The following TEC variants were observed in gnomAD, a reference collection of about 807,000 sequenced individuals.
The protein encoded by TEC is tyrosine-protein kinase Tec.
Under a neutral mutation model 93.0 loss-of-function variants are expected in TEC, and 72 were observed. The ratio of observed to expected loss-of-function variants is 0.77; its 90% CI spans 0.64 to 0.94. TEC has a LOEUF of 0.94. TEC is among the 40% of genes least tolerant of loss of function. The probability of loss-of-function intolerance (pLI) is 0.00; values close to 1 mark genes in which losing one functional copy is unlikely to be tolerated. For missense variants in TEC, 630 were observed against 757.9 expected, an observed-to-expected ratio of 0.83 and a Z score of 1.98; for synonymous variants, 249 against 247.7, an observed-to-expected ratio of 1.01 and a Z score of -0.05.
chr4:48,138,883 A>G (rs373114993), intron 16 of TEC, 21 bp downstream of exon 16: 3 of 1,613,526 alleles, frequency 1.9e-6, no homozygotes, highest in Admixed American at 1.7e-5. Flanking sequence ...GCGGACGGAC[A>G]TGAGGAAACA....
intron 9 of TEC, among the ~76,000 whole-genome samples, chr4:48,152,440 A>G: frequency 7.2e-6 from 1 of 139,016 alleles, no homozygotes; most frequent in East Asian, 2.0e-4. Flanking sequence ...ACTATCATAA[A>G]TAAATAAATA....
intron 2 of TEC, among the ~76,000 whole-genome samples, chr4:48,210,121 A>G (rs1360466999): frequency 1.3e-5 from 2 of 152,216 alleles, no homozygotes; most frequent in Non-Finnish European, 2.9e-5. Flanking sequence ...AGGAAGGGCT[A>G]TGGAATTGAA....
At chr4:48,179,377 T>TATATATATATAA (rs1491160142) in intron 2 of TEC, among the ~76,000 whole-genome samples, 2 of 17,956 alleles carry the variant, frequency 1.1e-4, no homozygotes, top group South Asian at 8.3e-3. Context: ...TATATATATA[T>TATATATATATAA]TTTTTTTTTT....
intron 2 of TEC, among the ~76,000 whole-genome samples, chr4:48,195,788 C>T (rs941061410): frequency 1.3e-5 from 2 of 152,192 alleles, no homozygotes. Context: ...TCTTAGTTTG[C>T]TCTTGCTAAT....
chr4:48,269,122 G>C (rs1338775472), intron 1 of TEC, among the ~76,000 whole-genome samples: 2 of 152,050 alleles, frequency 1.3e-5, no homozygotes, highest in East Asian at 1.9e-4. Context: ...TGGGGGGGTG[G>C]GGAAGAGAAC....
intron 3 of TEC, among the ~76,000 whole-genome samples, chr4:48,172,591 G>A (rs1306660888): frequency 2.0e-5 from 3 of 151,890 alleles, no homozygotes; most frequent in South Asian, 2.1e-4. Context: ...TGAGAGCCAC[G>A]GTAACCAGCC....
At chr4:48,236,190 GT>G in intron 1 of TEC, among the ~76,000 whole-genome samples, 1 of 152,178 alleles carries the variant, frequency 6.6e-6, no homozygotes, top group African/African-American at 2.4e-5. Context: ...AAAATAATAG[GT>G]TTGATGTTCT....
chr4:48,183,435 A>G (rs145281768), intron 2 of TEC, among the ~76,000 whole-genome samples: 4 of 152,366 alleles, frequency 2.6e-5, no homozygotes, highest in African/African-American at 9.6e-5. Context: ...TAGCATTTCA[A>G]TCAGCTGAGT....
rs531160893 is a variant in TEC, at chr4:48,141,475, G to C, written c.1471-56C>G. The C allele has an allele frequency of 1.3e-5, 19 of 1,502,334 alleles. No individual in the cohort carries two copies. The South Asian group carries it at 2.1e-4, about 16-fold the overall frequency. The allele number at this position is 1,502,334 out of a possible 1,614,324, so 93.1% of individuals were successfully genotyped here. ...TTTAAAAATTCTATCATTTAAGTAG[G>C]AAAATGTAAGTTCTATTTATATTAA... is the stretch of plus-strand genomic sequence containing the variant. On this transcript the variant is annotated intron_variant, in intron 14 of 17. Coordinates refer to ENST00000381501, the MANE Select transcript of TEC (RefSeq NM_003215.3).
chr4:48,194,748 G>A (rs891865831), intron 2 of TEC, among the ~76,000 whole-genome samples: 1 of 152,182 alleles, frequency 6.6e-6, no homozygotes, highest in Non-Finnish European at 1.5e-5. Context: ...GTAGCAGACG[G>A]TGAATTGCCC....
intron 1 of TEC, among the ~76,000 whole-genome samples, chr4:48,233,428 T>C (rs1258477801): frequency 1.3e-5 from 2 of 150,162 alleles, no homozygotes; most frequent in Non-Finnish European, 3.0e-5. Flanking sequence ...ACTTCCTGCC[T>C]CAGCCTCCCC....
intron 1 of TEC, among the ~76,000 whole-genome samples, chr4:48,242,543 A>G (rs527316182): frequency 6.6e-6 from 1 of 152,340 alleles, no homozygotes; most frequent in African/African-American, 2.4e-5. Context: ...TCTTATTTCA[A>G]AAGCCACACA....
chr4:48,148,042 AAG>A (rs1560375197), intron 11 of TEC, among the ~76,000 whole-genome samples: 1 of 152,186 alleles, frequency 6.6e-6, no homozygotes, highest in Non-Finnish European at 1.5e-5. Flanking sequence ...GCAAATCTAT[AAG>A]AGAGACAGAA....
At chr4:48,230,294 C>A (rs1212389296) in intron 1 of TEC, among the ~76,000 whole-genome samples, 1 of 152,064 alleles carries the variant, frequency 6.6e-6, no homozygotes, top group Non-Finnish European at 1.5e-5. Context: ...TCCAATCAGG[C>A]CCCTCCATTT....
At chr4:48,185,580 T>C (rs1181325458) in intron 2 of TEC, among the ~76,000 whole-genome samples, 5 of 152,196 alleles carry the variant, frequency 3.3e-5, no homozygotes, top group Non-Finnish European at 7.3e-5. Context: ...TAATAGTAAC[T>C]TATATGGGTG....
intron 1 of TEC, among the ~76,000 whole-genome samples, chr4:48,267,144 T>C (rs768378705): frequency 3.3e-5 from 5 of 152,234 alleles, no homozygotes; most frequent in Non-Finnish European, 5.9e-5. Flanking sequence ...CTATAAACCA[T>C]AACAAAACAA....
intron 1 of TEC, among the ~76,000 whole-genome samples, chr4:48,246,567 G>C (rs1004048147): frequency 2.0e-5 from 3 of 151,648 alleles, no homozygotes; most frequent in Non-Finnish European, 4.4e-5. Context: ...CATAAGGATA[G>C]ATATATAGAT....
intron 8 of TEC, among the ~76,000 whole-genome samples, chr4:48,161,555 G>A (rs1233565244): frequency 6.6e-6 from 1 of 150,560 alleles, no homozygotes; most frequent in Non-Finnish European, 1.5e-5. Flanking sequence ...GATTCCTCCT[G>A]GGCCCAAGCA....
At chr4:48,241,725 C>T (rs1172600869) in intron 1 of TEC, among the ~76,000 whole-genome samples, 3 of 152,230 alleles carry the variant, frequency 2.0e-5, no homozygotes, top group Non-Finnish European at 2.9e-5. Context: ...TTTACCAGGA[C>T]ATATAATATA....
Sources: gnomAD v4.1 joint callset for allele counts (sites outside exome capture counted in the v4.1 genomes callset) on GRCh38, gnomAD v4.1.1 for gene constraint, MANE v1.5 for transcripts, NCBI Gene and HGNC (gene_info 2026-07-23, HGNC 2026-07-21) for gene names.